ACO1: variants seen among roughly 807,000 people sequenced by gnomAD.
ACO1 encodes the protein cytoplasmic aconitate hydratase.
ACO1 carries 78 observed loss-of-function variants against 105.1 expected under a neutral mutation model. That is an observed-to-expected ratio of 0.74 (90% CI 0.62 to 0.90). The LOEUF (loss-of-function observed/expected upper bound fraction) is 0.90, where lower values mean the gene tolerates loss of function less well. Among genes scored for constraint, ACO1 ranks in the 40% least tolerant of loss-of-function variants. The pLI is 0.00. For missense variants in ACO1, 965 were observed against 1,111.1 expected, an observed-to-expected ratio of 0.87 and a Z score of 1.87; for synonymous variants, 364 against 397.4, an observed-to-expected ratio of 0.92 and a Z score of 1.00.
In ACO1 at chr9:32,436,349, T is replaced by TTG; in HGVS notation, c.2200_2201insGT (p.Leu734CysfsTer2). 6.2e-7 allele frequency: 1 copy of TTG among 1,614,186 alleles called. No individual in the cohort carries two copies. Among genetic ancestry groups the TTG allele is most frequent in the Non-Finnish European group, 8.5e-7 (1 of 1,180,010 alleles). On this transcript the variant is annotated frameshift_variant, in exon 18 of 21. Transcript: ENST00000309951. LOFTEE classifies it high-confidence loss of function. ...CCAACATTCGCTTGTTAAACAGATTTTTGAACAAGCAGGCACCACAGACTA... is the reference window on the plus strand; with the variant it reads ...CCAACATTCGCTTGTTAAACAGATTTTGTTGAACAAGCAGGCACCACAGACTA...
At chr9:32,393,126 A>G (rs963468936) in intron 1 of ACO1, among the ~76,000 whole-genome samples, 1 of 152,232 alleles carries the variant, frequency 6.6e-6, no homozygotes, top group African/African-American at 2.4e-5. Context: ...TGTTCAAGGA[A>G]CAAGAGAGAT....
intron 19 of ACO1, among the ~76,000 whole-genome samples, chr9:32,447,463 G>C (rs895001475): frequency 1.3e-5 from 2 of 151,982 alleles, no homozygotes; most frequent in Non-Finnish European, 2.9e-5. Context: ...TTAGCAATTC[G>C]CCTAACCTTT....
In ACO1 at chr9:32,434,604, C is replaced by T; in HGVS notation, c.2002C>T (p.Leu668=). The T allele has an allele frequency of 6.2e-7, 1 of 1,614,130 alleles. No homozygotes were observed. Among genetic ancestry groups the T allele is most frequent in the Non-Finnish European group, 8.5e-7 (1 of 1,180,000 alleles). ...PPKSIVDAYV[L]LNLGDSVTTD... ...TAAATCTATAGTGGATGCCTATGTGCTGCTAAATTTGGGAGATTCGGTAAC... is the reference window on the plus strand; with the variant it reads ...TAAATCTATAGTGGATGCCTATGTGTTGCTAAATTTGGGAGATTCGGTAAC... Residue 668 remains leucine, a synonymous_variant, in exon 17 of 21, where the codon CTG becomes TTG. Transcript: ENST00000309951.
intron 1 of ACO1, among the ~76,000 whole-genome samples, chr9:32,385,366 C>T (rs1007318545): frequency 9.2e-5 from 14 of 152,186 alleles, no homozygotes; most frequent in Non-Finnish European, 1.9e-4. Context: ...TGGGGGACAA[C>T]CTCTAGGACA....
intron 19 of ACO1, among the ~76,000 whole-genome samples, chr9:32,444,760 A>G (rs771600140): frequency 1.7e-4 from 26 of 152,190 alleles, no homozygotes; most frequent in African/African-American, 3.1e-4. Context: ...GTTTGTCATA[A>G]TAGCTCTTAC....
intron 9 of ACO1, among the ~76,000 whole-genome samples, chr9:32,423,694 AC>A (rs1179327554): frequency 7.2e-5 from 11 of 152,296 alleles, no homozygotes; most frequent in African/African-American, 2.6e-4. Flanking sequence ...AATGTGGAAG[AC>A]CACTGAAAGA....
At chr9:32,401,476 G>C (rs1332792320) in intron 1 of ACO1, among the ~76,000 whole-genome samples, 1 of 151,834 alleles carries the variant, frequency 6.6e-6, no homozygotes, top group African/African-American at 2.4e-5. Context: ...CTTCCTCTGG[G>C]GAATGCTACA....
At chr9:32,391,004 G>A (rs191418056) in intron 1 of ACO1, among the ~76,000 whole-genome samples, 35 of 152,232 alleles carry the variant, frequency 2.3e-4, no homozygotes, top group African/African-American at 6.7e-4. Flanking sequence ...TTAAATACTT[G>A]TTTTAGAATG....
rs1285065846 is a variant in ACO1 at position 32,451,692 on chromosome 9, A to G, written c.*1581A>G. On this transcript the variant is annotated 3_prime_UTR_variant, in exon 21 of 21. Coordinates refer to ENST00000309951, the MANE Select transcript of ACO1 (RefSeq NM_002197.3). The stretch of plus-strand genomic sequence containing the variant: ...TCCTCTTTCTACTTCTCACCAGATG[A>G]GGGATCAAGACAGGTTATTTAGCAT... 6 of 152,122 alleles carry G rather than the reference A, an allele frequency of 3.9e-5. No individual in the cohort carries two copies. The highest frequency in any genetic ancestry group is 1.2e-4 in the African/African-American group (5 of 41,360). The allele number at this position is 152,122 out of a possible 1,614,324, so 9.4% of individuals were successfully genotyped here.
At chr9:32,399,889 T>C (rs1483172444) in intron 1 of ACO1, among the ~76,000 whole-genome samples, 7 of 151,830 alleles carry the variant, frequency 4.6e-5, no homozygotes, top group African/African-American at 1.7e-4. Context: ...AAGGATTTTA[T>C]TTTGTTCTTT....
chr9:32,422,404 A>T (rs10813813), intron 8 of ACO1, among the ~76,000 whole-genome samples: 51,245 of 152,008 alleles, frequency 0.34, 9,057 homozygotes, highest in Middle Eastern at 0.53. Flanking sequence ...AGTGAAGCTC[A>T]TACAGCTGTC....
intron 19 of ACO1, among the ~76,000 whole-genome samples, chr9:32,443,283 C>T (rs75943174): frequency 1.3e-5 from 2 of 151,906 alleles, no homozygotes; most frequent in East Asian, 1.9e-4. Context: ...GTAAAAAAAA[C>T]GCTTCATTGT....
intron 16 of ACO1, 33 bp downstream of exon 16, chr9:32,433,865 C>G: frequency 6.7e-7 from 1 of 1,490,126 alleles, no homozygotes; most frequent in Non-Finnish European, 9.2e-7. Context: ...AAAATGAATT[C>G]TTTGAAGGGT....
chr9:32,438,981 T>C (rs900931747), intron 18 of ACO1, among the ~76,000 whole-genome samples: 4 of 152,360 alleles, frequency 2.6e-5, no homozygotes, highest in African/African-American at 9.6e-5. Flanking sequence ...AATAGCTAAA[T>C]GCTATGTTCT....
chr9:32,417,778 A>G (rs1821882460), intron 4 of ACO1, among the ~76,000 whole-genome samples: 1 of 152,196 alleles, frequency 6.6e-6, no homozygotes, highest in African/African-American at 2.4e-5. Flanking sequence ...GGAGTATAGA[A>G]ACAAGAGTTC....
chr9:32,453,376 GC>G lies in ACO1; in HGVS notation c.*3266del, dbSNP rs1822810970. ...CTTAAGGAAAAAAAAAAAAAAGCTG[GC>G]TCATAGAACTTGAGGACAGTGGTGG... On this transcript the variant is annotated 3_prime_UTR_variant, in exon 21 of 21. Transcript: ENST00000309951. 1 of 149,228 alleles carries G rather than the reference GC, an allele frequency of 6.7e-6. No individual in the cohort carries two copies. The highest frequency in any genetic ancestry group is 1.5e-5 in the Non-Finnish European group (1 of 67,544). The allele number at this position is 149,228 out of a possible 1,614,324, so 9.2% of individuals were successfully genotyped here. A position where few individuals can be genotyped will look rare whatever the true frequency, so the allele number is the denominator to read the frequency against.
chr9:32,400,323 G>A (rs1821468341), intron 1 of ACO1, among the ~76,000 whole-genome samples: 1 of 151,958 alleles, frequency 6.6e-6, no homozygotes, highest in South Asian at 2.1e-4. Context: ...CCAAGAAGAT[G>A]TGGTTCAGTA....
chr9:32,398,697 G>A (rs536807508), intron 1 of ACO1, among the ~76,000 whole-genome samples: 6 of 151,924 alleles, frequency 3.9e-5, no homozygotes, highest in African/African-American at 1.4e-4. Flanking sequence ...AGGCTCCAGC[G>A]ATCCTCCCAC....
chr9:32,393,889 C>T (rs1033187959), intron 1 of ACO1, among the ~76,000 whole-genome samples: 17 of 152,148 alleles, frequency 1.1e-4, no homozygotes, highest in South Asian at 4.1e-4. Flanking sequence ...CGTAACCTGC[C>T]TCCCAGACAC....
Sources: gnomAD v4.1 joint callset for allele counts (sites outside exome capture counted in the v4.1 genomes callset) on GRCh38, gnomAD v4.1.1 for gene constraint, MANE v1.5 for transcripts, NCBI Gene and HGNC (gene_info 2026-07-23, HGNC 2026-07-21) for gene names.